Variants in AGBL1 observed in about 807,000 individuals in gnomAD.
AGBL1 encodes the protein AGBL carboxypeptidase 1, also known as cytosolic carboxypeptidase 4.
A neutral mutation model predicts 118.9 loss-of-function variants in AGBL1; 130 were observed. The observed-to-expected ratio is 1.09, with a 90% confidence interval of 0.95 to 1.26. AGBL1 has a LOEUF of 1.26. Ranked by LOEUF, AGBL1 falls within the 50% of genes most tolerant of loss-of-function variation. The pLI is 0.00. For missense variants in AGBL1, 1,584 were observed against 1,298.1 expected, an observed-to-expected ratio of 1.22 and a Z score of -3.38; for synonymous variants, 555 against 478.9, an observed-to-expected ratio of 1.16 and a Z score of -2.08.
intron 18 of AGBL1, among the ~76,000 whole-genome samples, chr15:86,461,672 A>G (rs1213685075): frequency 6.6e-6 from 1 of 152,220 alleles, no homozygotes; most frequent in Non-Finnish European, 1.5e-5. Context: ...TTGGGTGTAT[A>G]TAAAACCCGG....
At chr15:86,586,948 A>G (rs892570597) in intron 21 of AGBL1, among the ~76,000 whole-genome samples, 25 of 152,150 alleles carry the variant, frequency 1.6e-4, no homozygotes, top group African/African-American at 6.0e-4. Flanking sequence ...GACCTGTTTA[A>G]TGAGCTTTAA....
intron 23 of AGBL1, among the ~76,000 whole-genome samples, chr15:86,982,406 G>A (rs536904997): frequency 7.1e-6 from 1 of 141,202 alleles, no homozygotes; most frequent in African/African-American, 2.6e-5. Flanking sequence ...CTTTTATCTT[G>A]TTTTTTTTTT....
intron 21 of AGBL1, among the ~76,000 whole-genome samples, chr15:86,632,294 G>A (rs1313773164): frequency 1.6e-5 from 2 of 129,002 alleles, no homozygotes; most frequent in East Asian, 4.8e-4. Context: ...AAAAAAAAAG[G>A]CTGGCCAGGT....
intron 22 of AGBL1, among the ~76,000 whole-genome samples, chr15:86,847,818 C>T (rs2079340411): frequency 6.6e-6 from 1 of 152,190 alleles, no homozygotes; most frequent in Non-Finnish European, 1.5e-5. Context: ...GTGTGCACAG[C>T]TTTCCAGTCA....
chr15:86,642,730 TTTTA>T (rs1400157740), intron 21 of AGBL1, among the ~76,000 whole-genome samples: 1 of 152,170 alleles, frequency 6.6e-6, no homozygotes, highest in Non-Finnish European at 1.5e-5. Flanking sequence ...TTTGCTTGGT[TTTTA>T]TTTAAGATTT....
At chr15:86,916,352 A>C (rs1032006173), downstream of AGBL1, among the ~76,000 whole-genome samples, 1 of 152,198 alleles carries the variant, frequency 6.6e-6, no homozygotes, top group Non-Finnish European at 1.5e-5. Flanking sequence ...TTAAAGAAGA[A>C]AAAATAACAG....
chr15:86,736,063 C>A (rs751714646), intron 22 of AGBL1, among the ~76,000 whole-genome samples: 2 of 152,006 alleles, frequency 1.3e-5, no homozygotes, highest in Admixed American at 6.6e-5. Context: ...CTCAGCATTG[C>A]AAAGGAGATA....
At chr15:86,438,201 C>T (rs573124286) in intron 18 of AGBL1, among the ~76,000 whole-genome samples, 206 of 152,176 alleles carry the variant, frequency 1.4e-3, no homozygotes, top group Non-Finnish European at 2.2e-3. Flanking sequence ...CCACTGCACC[C>T]GGCCAAGCCT....
At chr15:86,383,537 G>A (rs2081142061) in intron 17 of AGBL1, among the ~76,000 whole-genome samples, 1 of 152,016 alleles carries the variant, frequency 6.6e-6, no homozygotes, top group Non-Finnish European at 1.5e-5. Context: ...CAGTGAGCTG[G>A]GATTGCACCA....
intron 22 of AGBL1, among the ~76,000 whole-genome samples, chr15:86,709,704 C>G (rs1407045650): frequency 2.6e-5 from 4 of 152,268 alleles, no homozygotes; most frequent in Non-Finnish European, 2.9e-5. Flanking sequence ...TATGGGAAGA[C>G]AGCATGGTGT....
intron 23 of AGBL1, among the ~76,000 whole-genome samples, chr15:86,952,710 G>T (rs1164901956): frequency 6.6e-6 from 1 of 152,044 alleles, no homozygotes; most frequent in East Asian, 1.9e-4. Flanking sequence ...TCAATTTTTT[G>T]TATTGTTGCA....
Position 86,080,934 on chromosome 15 carries a change from GGGGC to G in AGBL1, c.51+915_51+918del, listed in dbSNP as rs963625688. 8.2e-4 allele frequency among the ~76,000 whole-genome samples: 122 copies of G among 148,296 alleles called. 1 individual carries two copies. The highest frequency in any genetic ancestry group is 2.6e-3 in the African/African-American group (109 of 41,164). ...GGGGTCACAAGATGATGGGCTTGTG[GGGGC>G]GGGGGGGGGTCCATGACCCCATTCC... On this transcript the variant is annotated intron_variant, in intron 1 of 22. Transcript: ENST00000614907.
chr15:86,477,121 A>G (rs1300893397), intron 18 of AGBL1, among the ~76,000 whole-genome samples: 1 of 152,202 alleles, frequency 6.6e-6, no homozygotes, highest in Admixed American at 6.5e-5. Context: ...TGCCCACAAG[A>G]GAAAGCAGGA....
At chr15:86,133,058 C>G (rs1336184473) in intron 1 of AGBL1, among the ~76,000 whole-genome samples, 1 of 152,160 alleles carries the variant, frequency 6.6e-6, no homozygotes, top group African/African-American at 2.4e-5. Flanking sequence ...CCCAACTGTC[C>G]ATGAGTTAGG....
intron 19 of AGBL1, among the ~76,000 whole-genome samples, chr15:86,531,648 A>G (rs1421381508): frequency 9.7e-5 from 2 of 20,664 alleles, no homozygotes; most frequent in Non-Finnish European, 1.5e-4. Context: ...CCTGGCAGAG[A>G]CACAACCAAA....
At chr15:86,294,603 T>G (rs1018387973) in intron 16 of AGBL1, among the ~76,000 whole-genome samples, 2 of 152,132 alleles carry the variant, frequency 1.3e-5, no homozygotes, top group African/African-American at 2.4e-5. Flanking sequence ...TTTCTCCCTA[T>G]TACTTTGCCC....
intron 22 of AGBL1, among the ~76,000 whole-genome samples, chr15:86,825,990 G>A (rs1181326970): frequency 6.6e-6 from 1 of 151,232 alleles, no homozygotes; most frequent in Non-Finnish European, 1.5e-5. Context: ...AATACAGAGA[G>A]ATTCCAGGTA....
chr15:86,208,997 G>C (rs1356543504), intron 5 of AGBL1, among the ~76,000 whole-genome samples: 1 of 152,202 alleles, frequency 6.6e-6, no homozygotes, highest in African/African-American at 2.4e-5. Context: ...ATGTGTCCCA[G>C]AGATTATGGT....
At chr15:86,804,023 G>A (rs2078686163) in intron 22 of AGBL1, among the ~76,000 whole-genome samples, 1 of 152,066 alleles carries the variant, frequency 6.6e-6, no homozygotes, top group Non-Finnish European at 1.5e-5. Flanking sequence ...CAATGGTTTG[G>A]TGAGTAGATT....
Sources: allele counts gnomAD v4.1 joint callset (sites outside exome capture counted in the v4.1 genomes callset), GRCh38; gene constraint gnomAD v4.1.1; transcripts MANE v1.5; gene names NCBI Gene and HGNC (gene_info 2026-07-23, HGNC 2026-07-21).